Variants in RORB observed in about 807,000 individuals in gnomAD.
RORB encodes RAR related orphan receptor B.
RORB carries 6 observed loss-of-function variants against 59.1 expected under a neutral mutation model. The observed-to-expected ratio is 0.10, with a 90% CI of 0.06 to 0.20. The LOEUF (loss-of-function observed/expected upper bound fraction) is 0.20, where lower values mean the gene tolerates loss of function less well. Among genes scored for constraint, RORB ranks in the 10% least tolerant of loss-of-function variants. RORB has a pLI of 1.00. For missense variants in RORB, 320 were observed against 560.5 expected (o/e 0.57, Z 4.33); for synonymous variants, 215 against 204.5 (o/e 1.05, Z -0.44).
At chr9:74,683,625 T>C (rs916757106) in intron 9 of RORB, among the ~76,000 whole-genome samples, 3 of 152,172 alleles carry the variant, frequency 2.0e-5, no homozygotes, top group Non-Finnish European at 4.4e-5. Flanking sequence ...GGGCATGTTA[T>C]GTACCCTCTG....
intron 1 of RORB, among the ~76,000 whole-genome samples, chr9:74,595,694 T>G (rs1364454699): frequency 6.6e-6 from 1 of 152,218 alleles, no homozygotes; most frequent in Non-Finnish European, 1.5e-5. Context: ...TCCTATGTTG[T>G]TTTTTGGTTC....
intron 1 of RORB, among the ~76,000 whole-genome samples, chr9:74,566,283 T>C (rs752086107): frequency 1.4e-4 from 22 of 152,214 alleles, no homozygotes; most frequent in South Asian, 2.1e-4. Context: ...ACTTTTTAAG[T>C]TAGAATCTCA....
chr9:74,513,890 T>C (rs539209865), intron 1 of RORB, among the ~76,000 whole-genome samples: 1 of 152,134 alleles, frequency 6.6e-6, no homozygotes, highest in Non-Finnish European at 1.5e-5. Flanking sequence ...TTGTATATAC[T>C]ATGTAATCTA....
chr9:74,652,420 T>G (rs2118489316), intron 4 of RORB, among the ~76,000 whole-genome samples: 1 of 152,214 alleles, frequency 6.6e-6, no homozygotes, highest in East Asian at 1.9e-4. Context: ...AGAAAAAAAA[T>G]GCTATCTTAT....
chr9:74,547,237 A>T (rs963011862), intron 1 of RORB, among the ~76,000 whole-genome samples: 3 of 152,192 alleles, frequency 2.0e-5, no homozygotes, highest in African/African-American at 4.8e-5. Context: ...ACAGAGCAAG[A>T]ATGGAAGAGA....
intron 1 of RORB, among the ~76,000 whole-genome samples, chr9:74,596,513 G>C (rs912386408): frequency 1.3e-5 from 2 of 152,142 alleles, no homozygotes; most frequent in South Asian, 4.1e-4. Flanking sequence ...AACTCCATGG[G>C]TCTTGATCAA....
At chr9:74,541,119 A>G (rs1026019731) in intron 1 of RORB, among the ~76,000 whole-genome samples, 1 of 151,922 alleles carries the variant, frequency 6.6e-6, no homozygotes, top group Non-Finnish European at 1.5e-5. Context: ...TGTCTCTACT[A>G]AAAATATAAA....
chr9:74,659,574 T>G (rs998923479), intron 4 of RORB, among the ~76,000 whole-genome samples: 1 of 152,114 alleles, frequency 6.6e-6, no homozygotes, highest in African/African-American at 2.4e-5. Context: ...TGGTGTGACC[T>G]CCACCTCCCA....
intron 1 of RORB, among the ~76,000 whole-genome samples, chr9:74,555,347 CA>C (rs1312714282): frequency 6.6e-6 from 1 of 152,206 alleles, no homozygotes; most frequent in Non-Finnish European, 1.5e-5. Flanking sequence ...GCCTGAGAAG[CA>C]GCCAGTAATC....
At chr9:74,553,093 T>C (rs2086871764) in intron 1 of RORB, among the ~76,000 whole-genome samples, 1 of 152,018 alleles carries the variant, frequency 6.6e-6, no homozygotes, top group Admixed American at 6.6e-5. Context: ...GATAAAGAGT[T>C]TGGATTTTAT....
chr9:74,635,956 CAAAAA>C (rs11364568), intron 3 of RORB, among the ~76,000 whole-genome samples: 1 of 131,652 alleles, frequency 7.6e-6, no homozygotes, highest in Non-Finnish European at 1.6e-5. Context: ...CAAATTTGAC[CAAAAA>C]AAAAAAAAAA....
Position 74,691,619 on chromosome 9 carries a change from A to G in RORB, c.*6001A>G, listed in dbSNP as rs538007083. On this transcript the variant is annotated 3_prime_UTR_variant, in exon 10 of 10. Transcript: ENST00000376896. Reference sequence around the variant, plus strand: ...ATGCTGTCTCTGTAATTTTTGCTGTAAATAACTGGAGACGGTGAGTACACT... The same window carrying G: ...ATGCTGTCTCTGTAATTTTTGCTGTGAATAACTGGAGACGGTGAGTACACT... The G allele has an allele frequency of 1.3e-5, 2 of 152,338 alleles. No homozygotes were observed. Among genetic ancestry groups the G allele is most frequent in the South Asian group, 4.1e-4 (2 of 4,822 alleles). The allele number at this position is 152,338 out of a possible 1,614,324, so 9.4% of individuals were successfully genotyped here. A position where few individuals can be genotyped will look rare whatever the true frequency, so the allele number is the denominator to read the frequency against.
intron 1 of RORB, among the ~76,000 whole-genome samples, chr9:74,503,265 T>C (rs1825825883): frequency 6.6e-6 from 1 of 152,064 alleles, no homozygotes; most frequent in Non-Finnish European, 1.5e-5. Flanking sequence ...TTTGCAAATA[T>C]TTATCTTACT....
intron 9 of RORB, among the ~76,000 whole-genome samples, chr9:74,674,083 G>T (rs1321362864): frequency 6.6e-6 from 1 of 152,144 alleles, no homozygotes; most frequent in African/African-American, 2.4e-5. Context: ...GTTAGCTCCT[G>T]ACTGCTTTAA....
intron 8 of RORB, 106 bp downstream of exon 8, chr9:74,668,007 G>C (rs1424767518): frequency 1.2e-5 from 8 of 690,556 alleles, no homozygotes; most frequent in Non-Finnish European, 2.1e-5. Flanking sequence ...CTTTAACAGA[G>C]CTATATTTTC....
At position 74,573,718 on chromosome 9, in the gene RORB, A is replaced by G. The variant is rs572071867; in HGVS notation, c.8-56564A>G. ...AATAACCAACTGCCAGATTGTCTCC[A>G]TAGATTAATGTTAAAGAACTTCACT... is the stretch of plus-strand genomic sequence containing the variant. On this transcript the variant is annotated intron_variant, in intron 1 of 9. Transcript: ENST00000376896. Among the ~76,000 whole-genome samples the G allele has an allele frequency of 1.8e-4, 27 of 152,242 alleles. 1 individual carries two copies. Among genetic ancestry groups the G allele is most frequent in the Middle Eastern group, 3.4e-3 (1 of 294 alleles).
chr9:74,517,903 T>G (rs1397401658), intron 1 of RORB, among the ~76,000 whole-genome samples: 1 of 152,076 alleles, frequency 6.6e-6, no homozygotes, highest in African/African-American at 2.4e-5. Context: ...ATTACCTCAG[T>G]TAATCATCAG....
chr9:74,589,008 T>A (rs1207056497), intron 1 of RORB, among the ~76,000 whole-genome samples: 1 of 152,126 alleles, frequency 6.6e-6, no homozygotes, highest in Non-Finnish European at 1.5e-5. Context: ...ATAATTATTG[T>A]AACCATAATT....
chr9:74,629,108 A>G (rs2118410760), intron 1 of RORB, among the ~76,000 whole-genome samples: 1 of 152,022 alleles, frequency 6.6e-6, no homozygotes, highest in African/African-American at 2.4e-5. Context: ...TCCCTTTTTT[A>G]ATCATATAAT....
Sources: allele counts gnomAD v4.1 joint callset (sites outside exome capture counted in the v4.1 genomes callset), GRCh38; gene constraint gnomAD v4.1.1; transcripts MANE v1.5; gene names NCBI Gene and HGNC (gene_info 2026-07-23, HGNC 2026-07-21).